The following FNDC3B variants were observed in gnomAD, a reference collection of about 807,000 sequenced individuals.
The protein encoded by FNDC3B is fibronectin type III domain-containing protein 3B.
A neutral mutation model predicts 151.5 loss-of-function variants in FNDC3B; 12 were observed. That is an observed-to-expected ratio of 0.08 (90% CI 0.05 to 0.13). The LOEUF (loss-of-function observed/expected upper bound fraction) is 0.13. FNDC3B is among the 10% of genes least tolerant of loss of function. The pLI is 1.00. For synonymous variants in FNDC3B, 528 were observed against 549.0 expected, an observed-to-expected ratio of 0.96 and a Z score of 0.54; for missense variants, 1,214 against 1,505.3, an observed-to-expected ratio of 0.81 and a Z score of 3.20.
chr3:172,382,622 T>C (rs534581916), intron 25 of FNDC3B, among the ~76,000 whole-genome samples: 3 of 152,358 alleles, frequency 2.0e-5, no homozygotes, highest in South Asian at 2.1e-4. Context: ...AAATCTTTAA[T>C]CCATCTTGAG....
intron 6 of FNDC3B, among the ~76,000 whole-genome samples, chr3:172,273,164 C>T (rs1382414083): frequency 2.6e-5 from 4 of 152,108 alleles, no homozygotes; most frequent in Non-Finnish European, 5.9e-5. Context: ...TAATAATGGA[C>T]TTATTAACAG....
rs1716001813 is a variant in FNDC3B, at chr3:172,040,843, G to C, written c.-29+1072G>C. ...AGGTCCGGGTCCCGGCGTCCCGTGG[G>C]AACCGGAGGACCCGGGCCCGCCGTC... On this transcript the variant is annotated intron_variant, in intron 1 of 25. Transcript: ENST00000415807. This position sits in a 1 kb window ranked among gnomAD's most constrained non-coding sequence, Gnocchi z 6.6. Among the ~76,000 whole-genome samples, 1 of 152,070 alleles carries C rather than the reference G, an allele frequency of 6.6e-6. No homozygotes were observed. Among genetic ancestry groups the C allele is most frequent in the South Asian group, 2.1e-4 (1 of 4,834 alleles).
chr3:172,295,217 G>A (rs1415235545), intron 7 of FNDC3B, 146 bp from the exon 8 acceptor site: 9 of 687,068 alleles, frequency 1.3e-5, no homozygotes, highest in Non-Finnish European at 1.8e-5. Flanking sequence ...CCAGGACTTT[G>A]AAAGAGAGCA....
At chr3:172,379,168 T>C (rs1007043333) in intron 24 of FNDC3B, among the ~76,000 whole-genome samples, 1 of 152,240 alleles carries the variant, frequency 6.6e-6, no homozygotes, top group African/African-American at 2.4e-5. Context: ...AACCATAGCA[T>C]GCTCAGCCTG....
At chr3:172,168,614 C>T (rs1723125361) in intron 3 of FNDC3B, among the ~76,000 whole-genome samples, 1 of 152,086 alleles carries the variant, frequency 6.6e-6, no homozygotes, top group South Asian at 2.1e-4. Context: ...AATATATACT[C>T]ATCACTTCCT....
chr3:172,295,175 G>C (rs1028727134), intron 7 of FNDC3B, among the ~76,000 whole-genome samples, 188 bp from the exon 8 acceptor site: 17 of 152,172 alleles, frequency 1.1e-4, no homozygotes, highest in Non-Finnish European at 7.4e-5. Context: ...GGCATTATAA[G>C]GACAGATGTT....
At chr3:172,195,666 G>A (rs1724783440) in intron 3 of FNDC3B, among the ~76,000 whole-genome samples, 1 of 152,174 alleles carries the variant, frequency 6.6e-6, no homozygotes, top group South Asian at 2.1e-4. Flanking sequence ...TTGTTTAGAG[G>A]TACAATGCAG....
chr3:172,169,706 G>A (rs1024848267), intron 3 of FNDC3B, among the ~76,000 whole-genome samples: 3 of 152,182 alleles, frequency 2.0e-5, no homozygotes, highest in Admixed American at 6.5e-5. Context: ...TGTTACCTAC[G>A]AGTGAGTGAG....
Position 172,206,384 on chromosome 3 carries a change from C to T in FNDC3B, c.188-20487C>T, listed in dbSNP as rs899651621. Among the ~76,000 whole-genome samples the T allele has an allele frequency of 3.9e-5, 6 of 152,104 alleles. No individual in the cohort carries two copies. The South Asian group carries it at 8.3e-4, about 21-fold the overall frequency. On this transcript the variant is annotated intron_variant, in intron 3 of 25. Coordinates refer to ENST00000415807, the MANE Select transcript of FNDC3B (RefSeq NM_022763.4). ...AAGAAAGTGTACTTGAAAGGCCAGG[C>T]GCGGTGGCTTATGCCTGTAATCCCA...
At chr3:172,055,680 T>C (rs1716879462) in intron 1 of FNDC3B, among the ~76,000 whole-genome samples, 1 of 152,184 alleles carries the variant, frequency 6.6e-6, no homozygotes, top group Non-Finnish European at 1.5e-5. Flanking sequence ...TTCCTTGCTT[T>C]CGTGAGGAGC....
At chr3:172,315,692 C>A (rs1375900478) in intron 11 of FNDC3B, among the ~76,000 whole-genome samples, 1 of 152,186 alleles carries the variant, frequency 6.6e-6, no homozygotes, top group Non-Finnish European at 1.5e-5. Context: ...ATTTCAGTGT[C>A]CCCGCCCCCG....
chr3:172,380,304 C>G (rs958501861), intron 24 of FNDC3B, among the ~76,000 whole-genome samples: 1 of 151,840 alleles, frequency 6.6e-6, no homozygotes, highest in South Asian at 2.1e-4. Context: ...TTTTAAGTGC[C>G]TTACTGCAGA....
At chr3:172,277,148 A>G (rs373762194) in intron 6 of FNDC3B, among the ~76,000 whole-genome samples, 2 of 148,978 alleles carry the variant, frequency 1.3e-5, no homozygotes, top group African/African-American at 2.5e-5. Context: ...GTGTGTGTGT[A>G]TATATAAGTA....
intron 3 of FNDC3B, among the ~76,000 whole-genome samples, chr3:172,177,569 C>T (rs981958345): frequency 5.6e-5 from 8 of 141,922 alleles, no homozygotes; most frequent in Non-Finnish European, 1.2e-4. Flanking sequence ...TATTTAATTT[C>T]CTTATATGAT....
intron 12 of FNDC3B, 163 bp downstream of exon 12, chr3:172,329,239 A>G: frequency 1.3e-6 from 1 of 798,532 alleles, no homozygotes; most frequent in Non-Finnish European, 2.0e-6. Flanking sequence ...GCCTCCTTTA[A>G]GCTGGTGAAT....
At chr3:172,082,908 A>C (rs535918025) in intron 1 of FNDC3B, among the ~76,000 whole-genome samples, 1 of 152,306 alleles carries the variant, frequency 6.6e-6, no homozygotes, top group South Asian at 2.1e-4. Flanking sequence ...GCTAGATTCC[A>C]TTGAAGTTTA....
intron 2 of FNDC3B, among the ~76,000 whole-genome samples, chr3:172,113,364 T>G (rs556214412): frequency 6.6e-6 from 1 of 152,300 alleles, no homozygotes; most frequent in Non-Finnish European, 1.5e-5. Flanking sequence ...ATAATTCAAA[T>G]AAGTTAATCA....
chr3:172,170,952 A>T (rs778444775), intron 3 of FNDC3B, among the ~76,000 whole-genome samples: 4 of 152,202 alleles, frequency 2.6e-5, no homozygotes, highest in Non-Finnish European at 5.9e-5. Context: ...TTACTGTAAG[A>T]TAAAACCTTT....
chr3:172,300,277 T>C (rs1452475799), intron 9 of FNDC3B, among the ~76,000 whole-genome samples: 1 of 152,248 alleles, frequency 6.6e-6, no homozygotes, highest in African/African-American at 2.4e-5. Context: ...GTAAATGTTA[T>C]CTATTATTCA....
Sources: gnomAD v4.1 joint callset for allele counts (sites outside exome capture counted in the v4.1 genomes callset) on GRCh38, gnomAD v4.1.1 for gene constraint, Gnocchi (gnomAD v3.1) non-coding constraint, MANE v1.5 for transcripts, NCBI Gene and HGNC (gene_info 2026-07-23, HGNC 2026-07-21) for gene names.